CEP112: variants seen among roughly 807,000 people sequenced by gnomAD.
CEP112 encodes the protein centrosomal protein of 112 kDa.
A neutral mutation model predicts 153.0 loss-of-function variants in CEP112; 127 were observed. That is an observed-to-expected ratio of 0.83 (90% confidence interval 0.72 to 0.96). The LOEUF is 0.96. CEP112 is among the 40% of genes least tolerant of loss of function. The probability of loss-of-function intolerance (pLI) is 0.00; values close to 1 mark genes in which losing one functional copy is unlikely to be tolerated. For missense variants in CEP112, 1,089 were observed against 1,101.2 expected (o/e 0.99, Z 0.16); for synonymous variants, 358 against 374.4 (o/e 0.96, Z 0.51).
intron 22 of CEP112, among the ~76,000 whole-genome samples, chr17:65,744,119 G>A (rs973837605): frequency 5.3e-5 from 8 of 152,052 alleles, no homozygotes; most frequent in African/African-American, 7.2e-5. Flanking sequence ...AATACCTTAC[G>A]TTGTTGAAAA....
At chr17:65,736,977 C>T (rs565244918) in intron 23 of CEP112, among the ~76,000 whole-genome samples, 7 of 152,188 alleles carry the variant, frequency 4.6e-5, no homozygotes, top group African/African-American at 1.4e-4. Flanking sequence ...AACAGCGACC[C>T]GCAGACATGT....
chr17:65,712,801 TCTGTGTAGGTGGGTG>T (rs2049271714), intron 23 of CEP112, among the ~76,000 whole-genome samples: 1 of 152,148 alleles, frequency 6.6e-6, no homozygotes, highest in Non-Finnish European at 1.5e-5. Context: ...GACTTTGCCC[TCTGTGTAGGTGGGTG>T]CTGTGGGCGA....
In CEP112 at chr17:65,636,104, A is replaced by C. The variant is rs2143160606; in HGVS notation, c.2865-130T>G. 3 of 853,926 alleles carry C rather than the reference A, an allele frequency of 3.5e-6. No homozygotes were observed. The South Asian group carries it at 4.7e-5, about 13-fold the overall frequency. 52.9% of individuals were successfully genotyped at this position (853,926 alleles called of 1,614,324 possible). A position where few individuals can be genotyped will look rare whatever the true frequency, so the allele number is the denominator to read the frequency against. ...ATTTGATATCAAAATGTCATAATTTATGCTTATCTATAAGGGATCAAATCT... is the reference window on the plus strand; with the variant it reads ...ATTTGATATCAAAATGTCATAATTTCTGCTTATCTATAAGGGATCAAATCT... On this transcript the variant is annotated intron_variant, in intron 26 of 26. Transcript: ENST00000535342.
intron 18 of CEP112, among the ~76,000 whole-genome samples, chr17:65,951,750 C>CCCCCCCG (rs1156897591): frequency 1.5e-5 from 1 of 64,970 alleles, no homozygotes; most frequent in Non-Finnish European, 3.4e-5. Flanking sequence ...CCCGCCCCCC[C>CCCCCCCG]CTTTCTTCCA....
chr17:65,728,091 G>T (rs773419228), intron 23 of CEP112, among the ~76,000 whole-genome samples: 4 of 152,202 alleles, frequency 2.6e-5, no homozygotes, highest in Non-Finnish European at 5.9e-5. Context: ...CTGCTCTCAG[G>T]CCACAACGTT....
chr17:66,157,571 G>C, intron 4 of CEP112, among the ~76,000 whole-genome samples: 1 of 152,066 alleles, frequency 6.6e-6, no homozygotes, highest in Non-Finnish European at 1.5e-5. Flanking sequence ...CCAGTTAAAA[G>C]ACACGGACTG....
chr17:66,008,458 A>G (rs2079352743), intron 16 of CEP112, among the ~76,000 whole-genome samples: 1 of 152,034 alleles, frequency 6.6e-6, no homozygotes, highest in Admixed American at 6.6e-5. Flanking sequence ...AACTCAAGTG[A>G]TCCCCCCGTA....
At chr17:65,975,212 C>T (rs2062988104) in intron 17 of CEP112, among the ~76,000 whole-genome samples, 1 of 152,056 alleles carries the variant, frequency 6.6e-6, no homozygotes, top group Non-Finnish European at 1.5e-5. Context: ...AAAACCGTTT[C>T]CTGCTATTCT....
intron 6 of CEP112, among the ~76,000 whole-genome samples, chr17:66,121,884 C>A (rs1341384395): frequency 6.6e-6 from 1 of 151,754 alleles, no homozygotes; most frequent in Admixed American, 6.6e-5. Context: ...TCACAGCTTT[C>A]TGTTTTTTGC....
At chr17:65,779,105 A>C (rs965756308) in intron 21 of CEP112, among the ~76,000 whole-genome samples, 5 of 152,238 alleles carry the variant, frequency 3.3e-5, no homozygotes, top group African/African-American at 1.2e-4. Context: ...AAAGTTGATG[A>C]TAAAAAATAA....
rs908532546 is a variant in CEP112, at chr17:66,183,090, A to G, written c.106+104T>C. 119 of 746,470 alleles carry G rather than the reference A, an allele frequency of 1.6e-4. 1 individual carries two copies. The South Asian group carries it at 2.1e-3, about 13-fold the overall frequency. The allele number at this position is 746,470 out of a possible 1,614,324, so 46.2% of individuals were successfully genotyped here. A position where few individuals can be genotyped will look rare whatever the true frequency, so the allele number is the denominator to read the frequency against. Reference sequence around the variant, plus strand: ...TATGTCAATGGCAAAAATTGTTACTAGAGAAATTCAGTTTTTCTTCCATGT... The same window carrying G: ...TATGTCAATGGCAAAAATTGTTACTGGAGAAATTCAGTTTTTCTTCCATGT... On this transcript the variant is annotated intron_variant, in intron 2 of 26. Transcript: ENST00000535342.
intron 4 of CEP112, among the ~76,000 whole-genome samples, chr17:66,149,726 C>T (rs1487420919): frequency 3.3e-5 from 5 of 151,788 alleles, no homozygotes; most frequent in South Asian, 2.1e-4. Flanking sequence ...TAAAAGTTTG[C>T]TCATTTTGCT....
At chr17:66,051,321 T>C (rs2066431050) in intron 12 of CEP112, among the ~76,000 whole-genome samples, 1 of 150,618 alleles carries the variant, frequency 6.6e-6, no homozygotes, top group African/African-American at 2.4e-5. Context: ...TGTTTCATTT[T>C]TGAACATAAT....
At chr17:66,157,395 G>A (rs950690388) in intron 4 of CEP112, among the ~76,000 whole-genome samples, 18 of 152,018 alleles carry the variant, frequency 1.2e-4, no homozygotes, top group Non-Finnish European at 2.5e-4. Context: ...ATATGGAAAC[G>A]AAAAACCAGT....
At chr17:65,989,234 C>CAA (rs749855250) in intron 17 of CEP112, among the ~76,000 whole-genome samples, 2 of 40,794 alleles carry the variant, frequency 4.9e-5, no homozygotes, top group Non-Finnish European at 5.0e-5. Flanking sequence ...GACTCCATCT[C>CAA]AAAAAAAAAA....
chr17:65,953,064 C>T (rs2061889275), intron 18 of CEP112, among the ~76,000 whole-genome samples: 1 of 151,032 alleles, frequency 6.6e-6, no homozygotes, highest in African/African-American at 2.4e-5. Context: ...TCTGGTTTGC[C>T]TTGTTTTTGT....
intron 21 of CEP112, among the ~76,000 whole-genome samples, chr17:65,766,289 A>C (rs1388656127): frequency 7.4e-6 from 1 of 135,680 alleles, no homozygotes; most frequent in Non-Finnish European, 1.6e-5. Context: ...TATGTGGAAA[A>C]AATTAAGTTG....
intron 24 of CEP112, among the ~76,000 whole-genome samples, chr17:65,686,626 G>A (rs1255865177): frequency 1.3e-5 from 2 of 152,172 alleles, no homozygotes; most frequent in African/African-American, 4.8e-5. Context: ...GACCTTCAGT[G>A]ACAATTAGAC....
In CEP112 at chr17:66,096,331, G is replaced by T; in HGVS notation, c.691-3C>A. On this transcript the variant is annotated splice_polypyrimidine_tract_variant and splice_region_variant and intron_variant, in intron 7 of 26. Transcript: ENST00000535342. ...CTCAGGCTGAATTTCGGTGTCATCTGCTAAATGAACAGGAGTTATTTAACA... is the reference window on the plus strand; with the variant it reads ...CTCAGGCTGAATTTCGGTGTCATCTTCTAAATGAACAGGAGTTATTTAACA... 6.2e-7 allele frequency: 1 copy of T among 1,611,486 alleles called. No homozygotes were observed. The highest frequency in any genetic ancestry group is 2.2e-5 in the East Asian group (1 of 44,816).
Sources: allele counts gnomAD v4.1 joint callset (sites outside exome capture counted in the v4.1 genomes callset), GRCh38; gene constraint gnomAD v4.1.1; transcripts MANE v1.5; gene names NCBI Gene and HGNC (gene_info 2026-07-23, HGNC 2026-07-21).